PPP6R2: variants seen among roughly 807,000 people sequenced by gnomAD.
PPP6R2 encodes serine/threonine-protein phosphatase 6 regulatory subunit 2.
Under a neutral mutation model 100.2 loss-of-function variants are expected in PPP6R2, and 62 were observed. That is an observed-to-expected ratio of 0.62 (90% confidence interval 0.50 to 0.76). PPP6R2 has a LOEUF of 0.76. Among genes scored for constraint, PPP6R2 ranks in the 30% least tolerant of loss-of-function variants. The pLI is 0.00. For synonymous variants in PPP6R2, 525 were observed against 514.7 expected (o/e 1.02, Z -0.27); for missense variants, 1,142 against 1,276.3 (o/e 0.89, Z 1.60).
At chr22:50,335,004 A>G in the PPP6R2 span, among the ~76,000 whole-genome samples, 1 of 152,160 alleles carries the variant, frequency 6.6e-6, no homozygotes. Context: ...CAGAGATTAC[A>G]TTGGATCCAC....
chr22:50,337,784 G>T, the PPP6R2 span, among the ~76,000 whole-genome samples: 62 of 146,458 alleles, frequency 4.2e-4, no homozygotes, highest in Non-Finnish European at 8.6e-4. Context: ...GTGTGTGTGG[G>T]TGTGTGTGTG....
chr22:50,391,921 G>A (rs1448998982), intron 2 of PPP6R2: 3 of 141,634 alleles, frequency 2.1e-5, no homozygotes, highest in Non-Finnish European at 4.5e-5. Flanking sequence ...ACCTGTAACT[G>A]CCCTATCTTG....
chr22:50,358,649 TCTTTC>T (rs1175897216), intron 1 of PPP6R2, among the ~76,000 whole-genome samples: 3 of 152,206 alleles, frequency 2.0e-5, no homozygotes, highest in Admixed American at 6.5e-5. Context: ...CCATTGGGAT[TCTTTC>T]CTTCCACTCT....
upstream of PPP6R2, among the ~76,000 whole-genome samples, chr22:50,342,467 G>A (rs1213131368): frequency 1.3e-5 from 2 of 152,222 alleles, no homozygotes; most frequent in African/African-American, 4.8e-5. Flanking sequence ...CTTTTCTCCT[G>A]CAACGTCTCT....
upstream of PPP6R2, among the ~76,000 whole-genome samples, chr22:50,340,313 GGT>G (rs565548815): frequency 2.1e-4 from 26 of 121,154 alleles, no homozygotes; most frequent in African/African-American, 8.4e-4. Flanking sequence ...GTGTGTCTCG[GGT>G]GTGTGTGGTG....
chr22:50,369,757 C>T lies in PPP6R2; in HGVS notation c.-147-2263C>T, dbSNP rs374666869. On this transcript the variant is annotated intron_variant, in intron 1 of 23. Transcript: ENST00000612753. ...CCTGACCTCAAGTGATCACCCACCT[C>T]GGCCTCCCAAAGTGCTGGGATTACA... Among the ~76,000 whole-genome samples the T allele has an allele frequency of 2.6e-4, 39 of 152,092 alleles. 1 individual carries two copies. In the South Asian group the frequency reaches 3.3e-3, roughly 13 times the overall value.
chr22:50,395,773 C>A (rs867848144), intron 3 of PPP6R2, among the ~76,000 whole-genome samples: 3 of 148,114 alleles, frequency 2.0e-5, no homozygotes, highest in Middle Eastern at 3.4e-3. Context: ...CACCACGTTG[C>A]ACAGGCTGGT....
Position 50,414,304 on chromosome 22 carries a change from C to T in PPP6R2, c.415-248C>T, listed in dbSNP as rs1023062711. 3.6e-4 allele frequency among the ~76,000 whole-genome samples: 45 copies of T among 126,068 alleles called. 1 individual carries two copies. The highest frequency in any genetic ancestry group is 4.8e-5 in the Non-Finnish European group (3 of 62,300). The allele number at this position is 126,068 out of a possible 152,430, so 82.7% of individuals were successfully genotyped here. Reference sequence around the variant, plus strand: ...CTGGGACAGCTGTGTCCTGTCGGTGCAGAGCCACAGGGGTCCCTGTGCAGT... The same window carrying T: ...CTGGGACAGCTGTGTCCTGTCGGTGTAGAGCCACAGGGGTCCCTGTGCAGT... On this transcript the variant is annotated intron_variant, in intron 4 of 23. Coordinates refer to ENST00000612753, the MANE Select transcript of PPP6R2 (RefSeq NM_001242898.2).
chr22:50,338,587 T>TTGTGGTG (rs1569218370), upstream of PPP6R2, among the ~76,000 whole-genome samples: 1 of 97,060 alleles, frequency 1.0e-5, no homozygotes, highest in East Asian at 3.2e-4. Context: ...TGGTGTGTGT[T>TTGTGGTG]TGTGGTGTGT....
intron 2 of PPP6R2, among the ~76,000 whole-genome samples, chr22:50,378,984 C>G (rs1228890360): frequency 6.6e-6 from 1 of 151,928 alleles, no homozygotes; most frequent in Non-Finnish European, 1.5e-5. Context: ...TTGAGGGAGT[C>G]TGTTAGTCCC....
At position 50,444,022 on chromosome 22, in the gene PPP6R2, T is replaced by C. The variant is rs904611376; in HGVS notation, c.2736T>C (p.Ser912=). 24 of 1,613,502 alleles carry C rather than the reference T, an allele frequency of 1.5e-5. No individual in the cohort carries two copies. Among genetic ancestry groups the C allele is most frequent in the Non-Finnish European group, 2.0e-5 (24 of 1,179,952 alleles). The change falls in exon 23 of 24, where the codon TCT becomes TCC. Residue 912 remains serine, a synonymous_variant. Transcript: ENST00000612753. ...AGPAIPTPAV[S]SALAVAVPLG... ...CCGCCATACCCACCCCAGCAGTCTCTTCTGCACTGGCCGTGGCGGTCCCCC... is the reference window on the plus strand; with the variant it reads ...CCGCCATACCCACCCCAGCAGTCTCCTCTGCACTGGCCGTGGCGGTCCCCC...
chr22:50,390,428 C>T lies in PPP6R2; in HGVS notation c.-16-3465C>T, dbSNP rs545616060. Among the ~76,000 whole-genome samples, 6 of 152,234 alleles carry T rather than the reference C, an allele frequency of 3.9e-5. No individual in the cohort carries two copies. In the South Asian group the frequency reaches 8.3e-4, roughly 21 times the overall value. On this transcript the variant is annotated intron_variant, in intron 2 of 23. Transcript: ENST00000612753. ...GTACTATGTTAATATCAGACAAAGC[C>T]GACTTCAAAACAAGGTATGTTGCCA...
At chr22:50,399,341 T>C (rs961793950) in intron 3 of PPP6R2, among the ~76,000 whole-genome samples, 2 of 152,248 alleles carry the variant, frequency 1.3e-5, no homozygotes, top group Admixed American at 6.5e-5. Context: ...AACTCTGAAG[T>C]TGTAGCATGA....
intron 5 of PPP6R2, 97 bp from the exon 6 acceptor site, chr22:50,415,995 C>A: frequency 1.8e-6 from 2 of 1,104,768 alleles, no homozygotes; most frequent in Non-Finnish European, 2.7e-6. Context: ...AGTCTATATT[C>A]TAGAAAACGG....
intron 1 of PPP6R2, among the ~76,000 whole-genome samples, chr22:50,362,890 T>C (rs1187670092): frequency 6.6e-6 from 1 of 152,190 alleles, no homozygotes; most frequent in Non-Finnish European, 1.5e-5. Context: ...AATTGTCTGC[T>C]GTTGAAGGTG....
intron 13 of PPP6R2, among the ~76,000 whole-genome samples, chr22:50,435,315 C>T (rs1311059425): frequency 1.3e-5 from 2 of 152,208 alleles, no homozygotes; most frequent in African/African-American, 2.4e-5. Flanking sequence ...CAGGCGTCAG[C>T]GTGTGGCACA....
At chr22:50,379,461 A>T (rs2052403504) in intron 2 of PPP6R2, among the ~76,000 whole-genome samples, 1 of 152,128 alleles carries the variant, frequency 6.6e-6, no homozygotes, top group South Asian at 2.1e-4. Flanking sequence ...ACACCACTGC[A>T]CTCTAGCCTG....
chr22:50,409,821 G>A (rs1185489849), intron 4 of PPP6R2, among the ~76,000 whole-genome samples: 1 of 152,096 alleles, frequency 6.6e-6, no homozygotes, highest in African/African-American at 2.4e-5. Context: ...CTGCCTCCAG[G>A]GTTCAAGCAA....
At chr22:50,379,688 T>C (rs2052451735) in intron 2 of PPP6R2, among the ~76,000 whole-genome samples, 1 of 152,120 alleles carries the variant, frequency 6.6e-6, no homozygotes, top group Non-Finnish European at 1.5e-5. Context: ...GAGACCAGCC[T>C]GGGCCACATA....
Sources: gnomAD v4.1 joint callset for allele counts (sites outside exome capture counted in the v4.1 genomes callset) on GRCh38, gnomAD v4.1.1 for gene constraint, MANE v1.5 for transcripts, NCBI Gene and HGNC (gene_info 2026-07-23, HGNC 2026-07-21) for gene names.